The following CTNNA3 variants were observed in gnomAD, a reference collection of about 807,000 sequenced individuals.
The protein encoded by CTNNA3 is catenin alpha-3.
Under a neutral mutation model 95.7 loss-of-function variants are expected in CTNNA3, and 76 were observed. The ratio of observed to expected loss-of-function variants is 0.79; its 90% confidence interval spans 0.66 to 0.96. The LOEUF (loss-of-function observed/expected upper bound fraction) is 0.96. CTNNA3 is among the 40% of genes least tolerant of loss of function. The pLI is 0.00. For synonymous variants in CTNNA3, 431 were observed against 374.4 expected, an observed-to-expected ratio of 1.15 and a Z score of -1.74; for missense variants, 1,191 against 1,089.8, an observed-to-expected ratio of 1.09 and a Z score of -1.31.
At chr10:66,765,581 T>C (rs182553670) in intron 9 of CTNNA3, among the ~76,000 whole-genome samples, 2 of 152,278 alleles carry the variant, frequency 1.3e-5, no homozygotes, top group Admixed American at 1.3e-4. Context: ...TATTAGACAT[T>C]CCTCCATTCA....
chr10:66,760,801 T>C (rs1839571006), intron 9 of CTNNA3, among the ~76,000 whole-genome samples: 1 of 152,150 alleles, frequency 6.6e-6, no homozygotes, highest in African/African-American at 2.4e-5. Flanking sequence ...ACTAAGATGC[T>C]GAGCAGTTTA....
chr10:66,789,987 G>C (rs557871101), intron 7 of CTNNA3, among the ~76,000 whole-genome samples: 1 of 152,118 alleles, frequency 6.6e-6, no homozygotes, highest in Non-Finnish European at 1.5e-5. Context: ...GGAGTGAAGG[G>C]AAAATATATT....
intron 12 of CTNNA3, among the ~76,000 whole-genome samples, chr10:66,371,790 C>G (rs566287144): frequency 3.9e-5 from 6 of 152,198 alleles, no homozygotes; most frequent in African/African-American, 1.4e-4. Context: ...GCTCGAAGGC[C>G]AGGTACTCAC....
chr10:67,215,432 C>A (rs142752501), intron 6 of CTNNA3, among the ~76,000 whole-genome samples: 2 of 152,028 alleles, frequency 1.3e-5, no homozygotes, highest in East Asian at 3.9e-4. Flanking sequence ...TCCTTGGAAC[C>A]GTATGAGAAT....
At chr10:66,698,980 G>A (rs887048975) in intron 9 of CTNNA3, among the ~76,000 whole-genome samples, 1 of 152,124 alleles carries the variant, frequency 6.6e-6, no homozygotes, top group African/African-American at 2.4e-5. Flanking sequence ...TAACAAGACT[G>A]GCCTGAGTAG....
At chr10:66,608,171 A>G (rs2132277093) in intron 10 of CTNNA3, among the ~76,000 whole-genome samples, 1 of 152,292 alleles carries the variant, frequency 6.6e-6, no homozygotes, top group African/African-American at 2.4e-5. Flanking sequence ...GTCAAGAGCC[A>G]AATCAGAAAT....
intron 17 of CTNNA3, among the ~76,000 whole-genome samples, chr10:65,964,812 C>A (rs1456253640): frequency 6.6e-6 from 1 of 151,998 alleles, no homozygotes; most frequent in Non-Finnish European, 1.5e-5. Context: ...AAAATGAAGA[C>A]TGGATGTTTA....
Position 66,137,588 on chromosome 10 carries a change from A to T in CTNNA3, c.1885-34339T>A, listed in dbSNP as rs527361472. ...TACAATATCAACATTAAATCTGTTA[A>T]GTATAATAATATTGAGGTTATACTG... On this transcript the variant is annotated intron_variant, in intron 13 of 17. Coordinates refer to ENST00000433211, the MANE Select transcript of CTNNA3 (RefSeq NM_013266.4). 1.1e-4 allele frequency among the ~76,000 whole-genome samples: 16 copies of T among 152,344 alleles called. No homozygotes were observed. In the South Asian group the frequency reaches 3.3e-3, roughly 32 times the overall value.
intron 7 of CTNNA3, among the ~76,000 whole-genome samples, chr10:67,170,797 G>A (rs6480253): frequency 0.3 from 45,386 of 152,010 alleles, 10,014 homozygotes; most frequent in African/African-American, 0.63. Context: ...CAAACACTAT[G>A]ATGGAGAAGG....
At chr10:66,212,852 A>G (rs1436889860) in intron 13 of CTNNA3, among the ~76,000 whole-genome samples, 1 of 152,126 alleles carries the variant, frequency 6.6e-6, no homozygotes, top group Non-Finnish European at 1.5e-5. Context: ...AAAACTACAA[A>G]AATTAGTAGT....
intron 2 of CTNNA3, among the ~76,000 whole-genome samples, chr10:67,612,890 C>T (rs1409882434): frequency 5.3e-5 from 8 of 152,322 alleles, no homozygotes; most frequent in East Asian, 1.9e-4. Context: ...TGCAATGATT[C>T]TGCCCTCGTT....
intron 5 of CTNNA3, among the ~76,000 whole-genome samples, chr10:67,276,795 T>A (rs992656314): frequency 1.3e-5 from 2 of 152,074 alleles, no homozygotes; most frequent in Admixed American, 6.6e-5. Context: ...AAAGGTTCAT[T>A]ACATTATTTT....
chr10:66,638,797 C>T (rs1467292244), intron 9 of CTNNA3, among the ~76,000 whole-genome samples: 9 of 149,766 alleles, frequency 6.0e-5, no homozygotes, highest in East Asian at 2.0e-4. Flanking sequence ...TTTTCTCCCC[C>T]GCCCATTCGT....
chr10:66,420,619 T>G (rs2093183351), intron 11 of CTNNA3, among the ~76,000 whole-genome samples: 1 of 151,764 alleles, frequency 6.6e-6, no homozygotes, highest in Admixed American at 6.6e-5. Flanking sequence ...GCTAACACAG[T>G]GAAACCCCAT....
At chr10:66,004,139 T>C (rs1409387591) in intron 15 of CTNNA3, among the ~76,000 whole-genome samples, 1 of 152,202 alleles carries the variant, frequency 6.6e-6, no homozygotes, top group East Asian at 1.9e-4. Flanking sequence ...AGTGAAAGCA[T>C]CATCATAGGT....
In CTNNA3 at chr10:66,753,676, A is replaced by AAT. The variant is rs66542553; in HGVS notation, c.1281+12586_1281+12587dup. Among the ~76,000 whole-genome samples, 113 of 150,498 alleles carry AAT rather than the reference A, an allele frequency of 7.5e-4. 1 individual carries two copies. Among genetic ancestry groups the AAT allele is most frequent in the Admixed American group, 1.5e-3 (22 of 15,060 alleles). On this transcript the variant is annotated intron_variant, in intron 9 of 17. Coordinates refer to ENST00000433211, the MANE Select transcript of CTNNA3 (RefSeq NM_013266.4). ...AAACTCCATCTCAAAAAAAAAAGAA[A>AAT]ATATATATATATATACACACACACA...
chr10:66,330,788 T>C (rs959776423), intron 12 of CTNNA3, among the ~76,000 whole-genome samples: 8 of 152,086 alleles, frequency 5.3e-5, no homozygotes, highest in African/African-American at 1.7e-4. Context: ...TGGTATCTCA[T>C]TGTGGTTTTC....
intron 15 of CTNNA3, among the ~76,000 whole-genome samples, chr10:66,039,903 C>A (rs2133488289): frequency 6.6e-6 from 1 of 152,116 alleles, no homozygotes; most frequent in South Asian, 2.1e-4. Context: ...ATCTGCATAG[C>A]AAAACAAACT....
At chr10:66,501,255 A>G (rs1392504853) in intron 11 of CTNNA3, among the ~76,000 whole-genome samples, 3 of 152,166 alleles carry the variant, frequency 2.0e-5, no homozygotes, top group African/African-American at 7.2e-5. Context: ...TTGTCATGTA[A>G]GTCTTTATAA....
Sources: allele counts gnomAD v4.1 joint callset (sites outside exome capture counted in the v4.1 genomes callset), GRCh38; gene constraint gnomAD v4.1.1; transcripts MANE v1.5; gene names NCBI Gene and HGNC (gene_info 2026-07-23, HGNC 2026-07-21).